The following ENTREP1 variants were observed in gnomAD, a reference collection of about 807,000 sequenced individuals.
The protein encoded by ENTREP1 is Friedreich ataxia region gene X123.
chr9:69,360,118 T>C, the ENTREP1 span, among the ~76,000 whole-genome samples: 1 of 152,230 alleles, frequency 6.6e-6, no homozygotes, highest in Non-Finnish European at 1.5e-5. Flanking sequence ...TAAACACACA[T>C]TTATCTCACT....
chr9:69,335,856 C>CGCCTGTAGTCCTGACGTGT, the ENTREP1 span, among the ~76,000 whole-genome samples: 1 of 152,264 alleles, frequency 6.6e-6, no homozygotes, highest in Non-Finnish European at 1.5e-5. Context: ...TCCTGACGTG[C>CGCCTGTAGTCCTGACGTGT]GCCTGTAGTC....
the ENTREP1 span, among the ~76,000 whole-genome samples, chr9:69,328,831 A>G: frequency 0.085 from 12,894 of 152,134 alleles, 656 homozygotes; most frequent in East Asian, 0.17. Flanking sequence ...ATTTTAGAAA[A>G]TGTTTATCAA....
chr9:69,351,178 A>G, the ENTREP1 span, among the ~76,000 whole-genome samples: 1 of 152,208 alleles, frequency 6.6e-6, no homozygotes, highest in East Asian at 1.9e-4. Flanking sequence ...CTGTTCCTAC[A>G]GATGTAAAGT....
the ENTREP1 span, among the ~76,000 whole-genome samples, chr9:69,367,722 T>C: frequency 1.4e-5 from 1 of 69,142 alleles, no homozygotes; most frequent in East Asian, 4.1e-4. Flanking sequence ...TATACACATA[T>C]ATATAAAAAT....
the ENTREP1 span, chr9:69,371,243 GA>G: frequency 1.1e-4 from 53 of 483,556 alleles, no homozygotes; most frequent in Non-Finnish European, 1.8e-4. Flanking sequence ...GAAGATAAGG[GA>G]GTAAGAATTA....
the ENTREP1 span, chr9:69,371,618 T>A: frequency 1.9e-6 from 3 of 1,548,622 alleles, no homozygotes; most frequent in Non-Finnish European, 2.7e-6. Context: ...TGGTAAGCAG[T>A]CCTAAAACAT....
chr9:69,358,016 T>G, the ENTREP1 span, among the ~76,000 whole-genome samples: 1 of 152,202 alleles, frequency 6.6e-6, no homozygotes, highest in African/African-American at 2.4e-5. Flanking sequence ...CTAATCAGGT[T>G]TTCTGGTACT....
chr9:69,353,255 ACTGT>A, the ENTREP1 span, among the ~76,000 whole-genome samples: 1 of 152,206 alleles, frequency 6.6e-6, no homozygotes, highest in Non-Finnish European at 1.5e-5. Context: ...AAATGCTTGT[ACTGT>A]CTATTACTTC....
the ENTREP1 span, chr9:69,371,486 C>G: frequency 2.6e-6 from 4 of 1,564,066 alleles, no homozygotes; most frequent in Non-Finnish European, 3.5e-6. Context: ...TGTCCATTCT[C>G]TTGCCATTTC....
the ENTREP1 span, among the ~76,000 whole-genome samples, chr9:69,328,437 A>G: frequency 2.6e-5 from 4 of 152,216 alleles, no homozygotes; most frequent in Non-Finnish European, 4.4e-5. Context: ...AAATGTAGAA[A>G]GAAGGGTGTA....
At chr9:69,378,756 CAA>C in the ENTREP1 span, among the ~76,000 whole-genome samples, 126 of 139,176 alleles carry the variant, frequency 9.1e-4, no homozygotes, top group African/African-American at 1.3e-3. Context: ...GACTTTGTCT[CAA>C]AAAAAAAAAA....
the ENTREP1 span, chr9:69,324,920 C>T: frequency 1.0e-6 from 1 of 985,120 alleles, no homozygotes; most frequent in Non-Finnish European, 1.2e-6. Flanking sequence ...CGTGAGGTGC[C>T]TCCCACCTCG....
the ENTREP1 span, chr9:69,383,154 GT>G: frequency 6.1e-6 from 6 of 979,334 alleles, no homozygotes; most frequent in Non-Finnish European, 7.3e-6. Context: ...GTCCTTAGCT[GT>G]TTTTTAAATA....
chr9:69,391,360 T>C, the ENTREP1 span, among the ~76,000 whole-genome samples: 101 of 152,312 alleles, frequency 6.6e-4, 1 homozygote, highest in East Asian at 0.016. Context: ...AGCAAGAAAT[T>C]GCAACGGACA....
chr9:69,332,356 A>C, the ENTREP1 span, among the ~76,000 whole-genome samples: 2 of 152,248 alleles, frequency 1.3e-5, no homozygotes, highest in African/African-American at 4.8e-5. Context: ...GTGGCTTACA[A>C]GAATCCTGGT....
the ENTREP1 span, among the ~76,000 whole-genome samples, chr9:69,372,354 C>G: frequency 1.3e-5 from 2 of 152,188 alleles, no homozygotes; most frequent in African/African-American, 4.8e-5. Flanking sequence ...TCCCCATCCT[C>G]CAGCCCCTGG....
the ENTREP1 span, chr9:69,383,034 A>G: frequency 1.0e-6 from 1 of 984,634 alleles, no homozygotes; most frequent in Non-Finnish European, 1.2e-6. Flanking sequence ...TTGGTGAAAA[A>G]TCTTGTGGAG....
At chr9:69,377,764 C>T in the ENTREP1 span, 2 of 1,599,618 alleles carry the variant, frequency 1.3e-6, no homozygotes, top group Admixed American at 3.4e-5. Flanking sequence ...CTGAGTTCCC[C>T]TGCAGTCTGA....
At chr9:69,346,046 G>C in the ENTREP1 span, among the ~76,000 whole-genome samples, 1 of 151,412 alleles carries the variant, frequency 6.6e-6, no homozygotes, top group African/African-American at 2.4e-5. Flanking sequence ...CAGTGGTGGC[G>C]ATCTTGGCTT....
Sources: allele counts gnomAD v4.1 joint callset (sites outside exome capture counted in the v4.1 genomes callset), GRCh38; gene constraint gnomAD v4.1.1; transcripts MANE v1.5; gene names NCBI Gene and HGNC (gene_info 2026-07-23, HGNC 2026-07-21).